UNC5A: variants seen among roughly 807,000 people sequenced by gnomAD.
UNC5A encodes unc-5 netrin receptor A.
In UNC5A, 20 loss-of-function variants were observed where a neutral mutation model predicts 87.4. The observed-to-expected ratio is 0.23, with a 90% CI of 0.16 to 0.33. The LOEUF is 0.33. Among genes scored for constraint, UNC5A ranks in the 10% least tolerant of loss-of-function variants. The pLI, the probability that UNC5A is intolerant of heterozygous loss-of-function variation, is 1.00. For missense variants in UNC5A, 844 were observed against 1,133.4 expected (o/e 0.74, Z 3.67); for synonymous variants, 438 against 482.3 (o/e 0.91, Z 1.20).
At chr5:176,834,271 T>C (rs1050246702) in intron 1 of UNC5A, among the ~76,000 whole-genome samples, 1 of 152,160 alleles carries the variant, frequency 6.6e-6, no homozygotes, top group Non-Finnish European at 1.5e-5. Flanking sequence ...CCCTGTCCTG[T>C]CTGCACAGGA....
chr5:176,876,906 C>T (rs900687088), intron 8 of UNC5A, among the ~76,000 whole-genome samples: 1 of 152,198 alleles, frequency 6.6e-6, no homozygotes, highest in Non-Finnish European at 1.5e-5. Context: ...TTTCAGGGGA[C>T]AAGGGAGGTC....
rs929041884 is a variant in UNC5A at position 176,862,592 on chromosome 5, C to T, written c.71-32C>T. On this transcript the variant is annotated intron_variant, in intron 1 of 14. Coordinates refer to ENST00000329542, the MANE Select transcript of UNC5A (RefSeq NM_133369.3). ...GCCTCTACCCTGCCCAGTCTGGCCCCTGGCTCACCTTCCCCCTCTGCCCTG... is the reference window on the plus strand; with the variant it reads ...GCCTCTACCCTGCCCAGTCTGGCCCTTGGCTCACCTTCCCCCTCTGCCCTG... 1.9e-6 allele frequency: 3 copies of T among 1,605,348 alleles called. No homozygotes were observed. In the African/African-American group the frequency reaches 4.0e-5, roughly 21 times the overall value.
At chr5:176,815,817 C>T (rs916991430) in intron 1 of UNC5A, among the ~76,000 whole-genome samples, 9 of 152,196 alleles carry the variant, frequency 5.9e-5, no homozygotes, top group African/African-American at 1.4e-4. Flanking sequence ...CCCCCTCCCC[C>T]GCCATTGACA....
chr5:176,862,734 G>A lies in UNC5A; in HGVS notation c.181G>A (p.Val61Met), dbSNP rs750743456. 4.3e-5 allele frequency: 69 copies of A among 1,613,540 alleles called. No homozygotes were observed. The highest frequency in any genetic ancestry group is 1.3e-4 in the Admixed American group (8 of 60,004). ...EDVYIVKNKP[V>M]LLVCKAVPAT... ...TGTGTACATCGTCAAGAACAAGCCA[G>A]TGCTGCTTGTGTGCAAGGCCGTGCC... Residue 61 changes from valine (V) to methionine (M), a missense_variant, in exon 2 of 15, where the codon GTG becomes ATG. Around this residue, in one of 3 missense-constraint regions of UNC5A, gnomAD observed 314 missense variants for 466.5 expected, o/e 0.67. Coordinates refer to ENST00000329542, the MANE Select transcript of UNC5A (RefSeq NM_133369.3).
At chr5:176,820,314 A>G (rs996302526) in intron 1 of UNC5A, among the ~76,000 whole-genome samples, 14 of 152,096 alleles carry the variant, frequency 9.2e-5, no homozygotes, top group African/African-American at 3.1e-4. Context: ...GGAGAATGGC[A>G]TGAACCTGGG....
chr5:176,825,703 T>C (rs141119714), intron 1 of UNC5A, among the ~76,000 whole-genome samples: 85 of 152,184 alleles, frequency 5.6e-4, no homozygotes, highest in African/African-American at 2.0e-3. Context: ...ATCCCACAGC[T>C]ACCATGGCAG....
At chr5:176,839,248 T>A (rs1757211798) in intron 1 of UNC5A, among the ~76,000 whole-genome samples, 1 of 152,226 alleles carries the variant, frequency 6.6e-6, no homozygotes, top group East Asian at 1.9e-4. Context: ...GAGGGGATAC[T>A]GAAGGGGATA....
chr5:176,857,980 C>A (rs1723055504), intron 1 of UNC5A, among the ~76,000 whole-genome samples: 1 of 152,210 alleles, frequency 6.6e-6, no homozygotes, highest in Non-Finnish European at 1.5e-5. Flanking sequence ...CCATACCTGC[C>A]TGCTGTCCTG....
rs375696979 is a variant in UNC5A, at chr5:176,839,054, CTG to C, written c.71-23567_71-23566del. On this transcript the variant is annotated intron_variant, in intron 1 of 14. Transcript: ENST00000329542. The stretch of plus-strand genomic sequence containing the variant: ...AGTCATGGAGTGTGTTCTCCTGCCT[CTG>C]TGCGTTTGCACCTGCAGGTCTCTGC... Among the ~76,000 whole-genome samples the C allele has an allele frequency of 7.7e-3, 1,166 of 152,340 alleles. 15 individuals are homozygous for C. The highest frequency in any genetic ancestry group is 0.027 in the African/African-American group (1,125 of 41,572).
intron 6 of UNC5A, among the ~76,000 whole-genome samples, chr5:176,873,162 A>AC (rs36152980): frequency 1.7e-4 from 9 of 52,358 alleles, no homozygotes; most frequent in African/African-American, 2.2e-4. Flanking sequence ...GCCCACACTC[A>AC]CCAACACCAC....
chr5:176,830,376 G>A (rs1282224949), intron 1 of UNC5A, among the ~76,000 whole-genome samples: 1 of 150,712 alleles, frequency 6.6e-6, no homozygotes, highest in Non-Finnish European at 1.5e-5. Context: ...ATGTGTGTGT[G>A]TGTTGTGCGT....
chr5:176,864,816 AG>A (rs1757932441), intron 2 of UNC5A: 1 of 456,006 alleles, frequency 2.2e-6, no homozygotes, highest in South Asian at 1.5e-5. Context: ...CTACCCTCAG[AG>A]GGAGATAGAG....
intron 1 of UNC5A, among the ~76,000 whole-genome samples, chr5:176,836,920 G>A (rs1339923885): frequency 2.0e-5 from 3 of 152,216 alleles, no homozygotes; most frequent in East Asian, 1.9e-4. Flanking sequence ...AAATTAGAAC[G>A]TTAGGAGGCA....
Position 176,812,918 on chromosome 5 carries a change from G to T in UNC5A, c.70+2098G>T, listed in dbSNP as rs535669256. On this transcript the variant is annotated intron_variant, in intron 1 of 14. Transcript: ENST00000329542. ...CCCTGCCGTGACCCGGGCTCCTCCCGCGCTGCCTTTTGCCTCCGTTGCAAC... is the reference window on the plus strand; with the variant it reads ...CCCTGCCGTGACCCGGGCTCCTCCCTCGCTGCCTTTTGCCTCCGTTGCAAC... Among the ~76,000 whole-genome samples the T allele has an allele frequency of 3.2e-3, 489 of 152,286 alleles. 2 individuals are homozygous for T. The highest frequency in any genetic ancestry group is 4.1e-3 in the Non-Finnish European group (277 of 68,008).
chr5:176,868,159 G>C lies in UNC5A; in HGVS notation c.322G>C (p.Val108Leu), dbSNP rs1174131878. The change falls in exon 3 of 15, where the codon GTC becomes CTC. Residue 108 changes from valine to leucine, a missense_variant. By Grantham distance (32) the Val-to-Leu change is conservative. This residue lies in a region of UNC5A where 314 missense variants were observed against 466.5 expected (regional missense o/e 0.67). Transcript: ENST00000329542. Reference protein sequence around the residue: ...GLPTMEVRINVSRQQVEKVFG... With the variant: ...GLPTMEVRINLSRQQVEKVFG... Reference sequence around the variant, plus strand: ...GCCCACCATGGAGGTCCGCATTAATGTCTCAAGGCAGCAGGTCGAGAAGGT... The same window carrying C: ...GCCCACCATGGAGGTCCGCATTAATCTCTCAAGGCAGCAGGTCGAGAAGGT... 6.2e-7 allele frequency: 1 copy of C among 1,613,568 alleles called. No individual in the cohort carries two copies. Among genetic ancestry groups the C allele is most frequent in the Admixed American group, 1.7e-5 (1 of 59,994 alleles).
chr5:176,856,932 C>T (rs1253400284), intron 1 of UNC5A, among the ~76,000 whole-genome samples: 1 of 152,230 alleles, frequency 6.6e-6, no homozygotes, highest in East Asian at 1.9e-4. Context: ...GTCTCGCCCT[C>T]ACTCACTCTG....
chr5:176,860,192 C>CTTG (rs1723615217), intron 1 of UNC5A, among the ~76,000 whole-genome samples: 1 of 152,186 alleles, frequency 6.6e-6, no homozygotes, highest in East Asian at 1.9e-4. Context: ...CACAGGTGGG[C>CTTG]CGGGAACCTG....
At chr5:176,860,613 G>A (rs974006195) in intron 1 of UNC5A, among the ~76,000 whole-genome samples, 8 of 152,108 alleles carry the variant, frequency 5.3e-5, no homozygotes, top group Non-Finnish European at 8.8e-5. Flanking sequence ...GGACCCCCTC[G>A]GGCCTCAGGT....
chr5:176,848,176 C>A lies in UNC5A; in HGVS notation c.71-14448C>A, dbSNP rs1757458803. Among the ~76,000 whole-genome samples, 1 of 152,094 alleles carries A rather than the reference C, an allele frequency of 6.6e-6. No homozygotes were observed. Among genetic ancestry groups the A allele is most frequent in the African/African-American group, 2.4e-5 (1 of 41,396 alleles). ...TCCCCGCCTCATTTCCACGTTAGCA[C>A]CACCGCCCCCCGCACCCAGATCCCT... On this transcript the variant is annotated intron_variant, in intron 1 of 14. Coordinates refer to ENST00000329542, the MANE Select transcript of UNC5A (RefSeq NM_133369.3). This position sits in a 1 kb window ranked among gnomAD's most constrained non-coding sequence, Gnocchi z 5.8.
Sources: gnomAD v4.1 joint callset for allele counts (sites outside exome capture counted in the v4.1 genomes callset) on GRCh38, gnomAD v4.1.1 for gene constraint, gnomAD v4.1.1 regional missense constraint, Gnocchi (gnomAD v3.1) non-coding constraint, MANE v1.5 for transcripts, NCBI Gene and HGNC (gene_info 2026-07-23, HGNC 2026-07-21) for gene names.